Variants in PRUNE2 observed in about 807,000 individuals in gnomAD.
The protein encoded by PRUNE2 is protein prune homolog 2.
Under a neutral mutation model 252.0 loss-of-function variants are expected in PRUNE2, and 164 were observed. That is an observed-to-expected ratio of 0.65 (90% CI 0.57 to 0.74). PRUNE2 has a LOEUF of 0.74. PRUNE2 is among the 30% of genes least tolerant of loss of function. PRUNE2 has a pLI of 0.00. For missense variants in PRUNE2, 3,495 were observed against 3,711.0 expected (o/e 0.94, Z 1.51); for synonymous variants, 1,292 against 1,350.2 (o/e 0.96, Z 0.94).
At chr9:76,894,771 G>C (rs2133582510) in intron 1 of PRUNE2, among the ~76,000 whole-genome samples, 1 of 147,432 alleles carries the variant, frequency 6.8e-6, no homozygotes, top group Non-Finnish European at 1.5e-5. Flanking sequence ...TGTAATCCCA[G>C]CACTTTGGGA....
At chr9:76,802,953 A>G (rs1419538710) in intron 6 of PRUNE2, among the ~76,000 whole-genome samples, 2 of 152,136 alleles carry the variant, frequency 1.3e-5, no homozygotes, top group Non-Finnish European at 2.9e-5. Context: ...AAATCACTTG[A>G]TTTTGGTTCA....
intron 6 of PRUNE2, among the ~76,000 whole-genome samples, chr9:76,749,999 A>G (rs763805417): frequency 5.3e-5 from 8 of 152,008 alleles, no homozygotes; most frequent in South Asian, 4.2e-4. Context: ...TAATGAGATG[A>G]CACTTGGTGG....
At chr9:76,692,327 C>T (rs924228296) in intron 9 of PRUNE2, 3 of 535,656 alleles carry the variant, frequency 5.6e-6, no homozygotes, top group East Asian at 3.2e-5. Flanking sequence ...CTTTCACCCA[C>T]GTTGTGGAGT....
At chr9:76,659,269 T>C (rs1016434595) in intron 9 of PRUNE2, among the ~76,000 whole-genome samples, 2 of 152,272 alleles carry the variant, frequency 1.3e-5, no homozygotes, top group Non-Finnish European at 2.9e-5. Flanking sequence ...ATTTGACTTA[T>C]GCTATGCTCA....
chr9:76,700,254 T>C (rs922289889), intron 9 of PRUNE2: 1 of 152,210 alleles, frequency 6.6e-6, no homozygotes, highest in Admixed American at 6.6e-5. Flanking sequence ...AGAAGCTGAT[T>C]TGCAGCTGGT....
chr9:76,713,793 T>G, intron 6 of PRUNE2, 72 bp from the exon 7 acceptor site: 1 of 1,092,998 alleles, frequency 9.1e-7, no homozygotes, highest in Admixed American at 2.1e-5. Flanking sequence ...CACAAATTTG[T>G]CCAGTCTTAT....
chr9:76,687,398 G>T (rs1438822505), intron 9 of PRUNE2, among the ~76,000 whole-genome samples: 2 of 152,302 alleles, frequency 1.3e-5, no homozygotes, highest in South Asian at 4.1e-4. Context: ...GGTGGGCAAT[G>T]GTGGCTTTAT....
At chr9:76,635,509 A>G (rs1839674944) in intron 15 of PRUNE2, among the ~76,000 whole-genome samples, 1 of 152,310 alleles carries the variant, frequency 6.6e-6, no homozygotes, top group Admixed American at 6.5e-5. Flanking sequence ...TCAGTTTACC[A>G]TTTTAACAAT....
rs752352425 is a variant in PRUNE2, at chr9:76,850,496, G to A, written c.311C>T (p.Ser104Leu). ...CACACTGCTGCCAACAAGTGTTATC[G>A]ATAACTTCCCTTCATCATTTAGCTG... ...LHQLNDEGKL[S>L]ITLVGSSVLA... The change falls in exon 3 of 19, where the codon TCG becomes TTG. Residue 104 changes from serine (S) to leucine (L), a missense_variant. By Grantham distance (145) the Ser-to-Leu change is moderately radical. Transcript: ENST00000376718. 30 of 1,613,928 alleles carry A rather than the reference G, an allele frequency of 1.9e-5. No homozygotes were observed. The highest frequency in any genetic ancestry group is 6.7e-5 in the African/African-American group (5 of 74,900).
intron 6 of PRUNE2, among the ~76,000 whole-genome samples, chr9:76,794,253 C>A (rs2055833575): frequency 6.6e-6 from 1 of 152,266 alleles, no homozygotes; most frequent in South Asian, 2.1e-4. Flanking sequence ...ATGGCGGAAC[C>A]AGGATTTCAG....
chr9:76,677,075 G>A (rs937014322), intron 9 of PRUNE2, among the ~76,000 whole-genome samples: 2 of 152,210 alleles, frequency 1.3e-5, no homozygotes, highest in Non-Finnish European at 1.5e-5. Context: ...TAGCTTGGCT[G>A]ATTCATCTTT....
chr9:76,765,181 C>A (rs1000085782), intron 6 of PRUNE2, among the ~76,000 whole-genome samples: 1 of 152,068 alleles, frequency 6.6e-6, no homozygotes, highest in Non-Finnish European at 1.5e-5. Flanking sequence ...GAGCTGGAAC[C>A]AAGCTGGGAA....
chr9:76,774,794 G>A (rs765090897), intron 6 of PRUNE2, among the ~76,000 whole-genome samples: 10 of 152,138 alleles, frequency 6.6e-5, no homozygotes, highest in Non-Finnish European at 1.5e-4. Context: ...ATGATTTAAA[G>A]AAAGTTAAAT....
chr9:76,718,589 C>T (rs189986141), intron 6 of PRUNE2, among the ~76,000 whole-genome samples: 54 of 152,338 alleles, frequency 3.5e-4, no homozygotes, highest in Non-Finnish European at 6.8e-4. Context: ...GATTCACCGA[C>T]TGCCCTTCAG....
chr9:76,832,220 T>G (rs1164292943), intron 4 of PRUNE2, among the ~76,000 whole-genome samples: 1 of 152,084 alleles, frequency 6.6e-6, no homozygotes, highest in East Asian at 1.9e-4. Flanking sequence ...GGAAAAAGTA[T>G]GCAAAAATAT....
intron 6 of PRUNE2, among the ~76,000 whole-genome samples, chr9:76,754,253 G>C (rs551897648): frequency 6.5e-4 from 99 of 152,222 alleles, no homozygotes; most frequent in Non-Finnish European, 1.2e-3. Flanking sequence ...CTCAGAACCT[G>C]CTAATTTGTG....
At chr9:76,758,905 G>C (rs2051419403) in intron 6 of PRUNE2, 1 of 152,154 alleles carries the variant, frequency 6.6e-6, no homozygotes, top group African/African-American at 2.4e-5. Context: ...CCTTGACCAG[G>C]GGAACTGGTC....
At chr9:76,722,015 G>A (rs115193205) in intron 6 of PRUNE2, among the ~76,000 whole-genome samples, 1,714 of 152,214 alleles carry the variant, frequency 0.011, 33 homozygotes, top group African/African-American at 0.038. Context: ...GGTAAGCAAA[G>A]ATATTTTCCA....
chr9:76,788,171 G>A (rs1053293842), intron 6 of PRUNE2, among the ~76,000 whole-genome samples: 9 of 152,124 alleles, frequency 5.9e-5, no homozygotes, highest in African/African-American at 1.9e-4. Context: ...TGAAAGATTT[G>A]TGTCTCCTAA....
Sources: gnomAD v4.1 joint callset for allele counts (sites outside exome capture counted in the v4.1 genomes callset) on GRCh38, gnomAD v4.1.1 for gene constraint, MANE v1.5 for transcripts, NCBI Gene and HGNC (gene_info 2026-07-23, HGNC 2026-07-21) for gene names.